SLC12A1: variants seen among roughly 807,000 people sequenced by gnomAD.
SLC12A1 encodes the protein solute carrier family 12 member 1.
In SLC12A1, 89 loss-of-function variants were observed where a neutral mutation model predicts 130.4. The ratio of observed to expected loss-of-function variants is 0.68; its 90% CI spans 0.58 to 0.81. The LOEUF (loss-of-function observed/expected upper bound fraction) is 0.81, where lower values mean the gene tolerates loss of function less well. Ranked by LOEUF, SLC12A1 falls within the 40% of genes least tolerant of loss-of-function variation. The probability of loss-of-function intolerance (pLI) is 0.00; values close to 1 mark genes in which losing one functional copy is unlikely to be tolerated. For missense variants in SLC12A1, 1,310 were observed against 1,336.4 expected (o/e 0.98, Z 0.31); for synonymous variants, 499 against 460.0 (o/e 1.08, Z -1.09).
chr15:48,293,323 T>C (rs1240504806), intron 24 of SLC12A1, among the ~76,000 whole-genome samples: 1 of 152,240 alleles, frequency 6.6e-6, no homozygotes, highest in African/African-American at 2.4e-5. Context: ...TTTAGAGTTA[T>C]CATTTAACAA....
In SLC12A1 at chr15:48,247,034, G is replaced by T; in HGVS notation, c.1560+18G>T. ...TGTTCCAGGTAATACAAGCACAACA[G>T]CTTGTGCTTCTCCCTATTGCTATTT... On this transcript the variant is annotated intron_variant, in intron 12 of 26. Transcript: ENST00000380993. 1 of 1,532,926 alleles carries T rather than the reference G, an allele frequency of 6.5e-7. No individual in the cohort carries two copies. The highest frequency in any genetic ancestry group is 9.0e-7 in the Non-Finnish European group (1 of 1,105,984). 95.0% of individuals were successfully genotyped at this position (1,532,926 alleles called of 1,614,324 possible).
intron 11 of SLC12A1, among the ~76,000 whole-genome samples, chr15:48,246,127 A>G (rs2041577320): frequency 6.6e-6 from 1 of 152,222 alleles, no homozygotes; most frequent in East Asian, 1.9e-4. Context: ...CCAAAATATG[A>G]CTTAAATTGA....
intron 17 of SLC12A1, 74 bp downstream of exon 17, chr15:48,259,385 AG>A: frequency 1.0e-6 from 1 of 994,664 alleles, no homozygotes; most frequent in Non-Finnish European, 1.6e-6. Context: ...TGAGGAGAAA[AG>A]GTACATGCAG....
chr15:48,225,847 C>G, intron 4 of SLC12A1: 8 of 967,124 alleles, frequency 8.3e-6, no homozygotes, highest in Non-Finnish European at 9.8e-6. Context: ...CCTCTTTCAA[C>G]TGAGGTCTTG....
intron 5 of SLC12A1, chr15:48,227,449 G>A: frequency 2.3e-6 from 1 of 425,670 alleles, no homozygotes; most frequent in East Asian, 4.8e-5. Flanking sequence ...AAAATATATG[G>A]TTTCTTTGTA....
At chr15:48,244,933 T>C (rs1177906381) in intron 11 of SLC12A1, 29 bp downstream of exon 11, 1 of 1,604,916 alleles carries the variant, frequency 6.2e-7, no homozygotes, top group Non-Finnish European at 8.5e-7. Context: ...AAATGTTCAC[T>C]GCTATTATTT....
At chr15:48,225,418 T>A (rs1389448553) in intron 4 of SLC12A1, 4 of 152,148 alleles carry the variant, frequency 2.6e-5, no homozygotes, top group African/African-American at 9.7e-5. Context: ...TTTATAGGTG[T>A]CTATAACTTC....
At chr15:48,207,018 A>C in intron 1 of SLC12A1, among the ~76,000 whole-genome samples, 1 of 152,204 alleles carries the variant, frequency 6.6e-6, no homozygotes, top group East Asian at 1.9e-4. Flanking sequence ...TACTTGTTGC[A>C]TAGGTAACAA....
Position 48,269,690 on chromosome 15 carries a change from T to G in SLC12A1, c.2328T>G (p.Thr776=). The part of the protein sequence containing the change: ...ASGLGRMKPN[T]LVIGYKKNWR... Reference sequence around the variant, plus strand: ...GCTTAGGAAGAATGAAACCAAACACTCTGGTGATTGGATATAAGAAAAACT... The same window carrying G: ...GCTTAGGAAGAATGAAACCAAACACGCTGGTGATTGGATATAAGAAAAACT... Residue 776 remains threonine (T), a synonymous_variant, in exon 19 of 27, where the codon ACT becomes ACG. Transcript: ENST00000380993. 6.2e-7 allele frequency: 1 copy of G among 1,611,574 alleles called. No homozygotes were observed. Among genetic ancestry groups the G allele is most frequent in the Non-Finnish European group, 8.5e-7 (1 of 1,178,126 alleles).
intron 21 of SLC12A1, among the ~76,000 whole-genome samples, chr15:48,286,064 G>A (rs1250612430): frequency 6.6e-6 from 1 of 152,204 alleles, no homozygotes; most frequent in Non-Finnish European, 1.5e-5. Flanking sequence ...CAAACAGCAG[G>A]ATCCAAGTGG....
chr15:48,244,271 CTGTT>C (rs1271354889), intron 10 of SLC12A1, among the ~76,000 whole-genome samples: 4 of 152,182 alleles, frequency 2.6e-5, no homozygotes, highest in Admixed American at 1.3e-4. Context: ...AACTGTAACT[CTGTT>C]TGATAACTTA....
intron 13 of SLC12A1, among the ~76,000 whole-genome samples, chr15:48,248,595 A>T (rs1566840249): frequency 6.6e-6 from 1 of 152,122 alleles, no homozygotes; most frequent in African/African-American, 2.4e-5. Flanking sequence ...CATTTGCATC[A>T]TTGCATCATT....
At position 48,259,183 on chromosome 15, in the gene SLC12A1, CT is replaced by C. The variant is rs112495679; in HGVS notation, c.2043-9del. On this transcript the variant is annotated splice_polypyrimidine_tract_variant and intron_variant, in intron 16 of 26. Transcript: ENST00000380993. The stretch of plus-strand genomic sequence containing the variant: ...TTCTTGCAGGGGCTCATTTTCACAT[CT>C]TTTTTTTACTTCCAGGCCCCAGTGC... 4.2e-5 allele frequency: 64 copies of C among 1,528,692 alleles called. No homozygotes were observed. Among genetic ancestry groups the C allele is most frequent in the Non-Finnish European group, 5.6e-5 (62 of 1,102,942 alleles). The allele number at this position is 1,528,692 out of a possible 1,614,324, so 94.7% of individuals were successfully genotyped here.
intron 21 of SLC12A1, among the ~76,000 whole-genome samples, chr15:48,287,715 T>C (rs933947923): frequency 1.3e-5 from 2 of 152,208 alleles, no homozygotes; most frequent in Non-Finnish European, 2.9e-5. Flanking sequence ...TTCTGGCTAG[T>C]AGCATTGTTG....
intron 7 of SLC12A1, among the ~76,000 whole-genome samples, chr15:48,231,002 A>G (rs772280454): frequency 6.6e-6 from 1 of 152,240 alleles, no homozygotes; most frequent in Non-Finnish European, 1.5e-5. Flanking sequence ...TAAAATGGAT[A>G]GTAAATTTCC....
At chr15:48,244,625 A>T (rs1204274008) in intron 10 of SLC12A1, 128 bp from the exon 11 acceptor site, 1 of 866,520 alleles carries the variant, frequency 1.2e-6, no homozygotes, top group East Asian at 2.7e-5. Context: ...AGTTATCAAG[A>T]ACTACTCACA....
chr15:48,237,186 G>T (rs2041449414), intron 9 of SLC12A1: 4 of 600,366 alleles, frequency 6.7e-6, no homozygotes, highest in Non-Finnish European at 8.9e-6. Context: ...TTTGAGGGAT[G>T]AACAGGAGTT....
At chr15:48,261,545 T>C (rs34788123) in intron 17 of SLC12A1, among the ~76,000 whole-genome samples, 3 of 152,342 alleles carry the variant, frequency 2.0e-5, no homozygotes, top group Non-Finnish European at 4.4e-5. Flanking sequence ...ACTTTCCAGT[T>C]AGTTACTTTG....
chr15:48,223,262 G>T (rs1201644626), intron 4 of SLC12A1: 2 of 152,192 alleles, frequency 1.3e-5, no homozygotes, highest in Admixed American at 1.3e-4. Flanking sequence ...GGGAAGTTAG[G>T]TTAGGAAACT....
Sources: gnomAD v4.1 joint callset for allele counts (sites outside exome capture counted in the v4.1 genomes callset) on GRCh38, gnomAD v4.1.1 for gene constraint, MANE v1.5 for transcripts, NCBI Gene and HGNC (gene_info 2026-07-23, HGNC 2026-07-21) for gene names.